UNC79: variants seen among roughly 807,000 people sequenced by gnomAD.
The protein encoded by UNC79 is unc-79 subunit of NALCN channel complex, also known as protein unc-79 homolog.
UNC79 carries 37 observed loss-of-function variants against 283.1 expected under a neutral mutation model. The observed-to-expected ratio is 0.13, with a 90% CI of 0.10 to 0.17. UNC79 has a LOEUF of 0.17. Among genes scored for constraint, UNC79 ranks in the 10% least tolerant of loss-of-function variants. UNC79 has a pLI of 1.00. For missense variants in UNC79, 2,272 were observed against 3,211.1 expected (o/e 0.71, Z 7.07); for synonymous variants, 1,107 against 1,200.2 (o/e 0.92, Z 1.61).
intron 12 of UNC79, 74 bp downstream of exon 12, chr14:93,538,292 G>A: frequency 7.1e-7 from 1 of 1,412,736 alleles, no homozygotes; most frequent in South Asian, 1.5e-5. Context: ...ACACTGAGAT[G>A]TGCATATTTA....
At chr14:93,655,293 C>T (rs750115862) in exon 38 of UNC79, 3 of 1,614,112 alleles carry the variant, frequency 1.9e-6, no homozygotes, top group Non-Finnish European at 2.5e-6. Context: ...GTTTGGAAAA[C>T]ATTGCAACCT....
At chr14:93,613,576 A>G (rs1437289314) in intron 27 of UNC79, among the ~76,000 whole-genome samples, 4 of 151,922 alleles carry the variant, frequency 2.6e-5, no homozygotes, top group Admixed American at 1.3e-4. Context: ...CACCATGCCC[A>G]GCTAATTTTT....
intron 22 of UNC79, among the ~76,000 whole-genome samples, chr14:93,588,613 C>A (rs558690022): frequency 6.6e-6 from 1 of 151,692 alleles, no homozygotes; most frequent in East Asian, 1.9e-4. Flanking sequence ...TGGTGGTGGG[C>A]ACCTTTAGTC....
chr14:93,470,363 G>A (rs898939725), intron 2 of UNC79, among the ~76,000 whole-genome samples: 3 of 152,160 alleles, frequency 2.0e-5, no homozygotes, highest in Non-Finnish European at 2.9e-5. Context: ...TTAATTTGTA[G>A]GAGGGGAGAG....
At chr14:93,412,844 G>A (rs1446149790) in intron 1 of UNC79, among the ~76,000 whole-genome samples, 1 of 152,016 alleles carries the variant, frequency 6.6e-6, no homozygotes, top group Admixed American at 6.6e-5. Context: ...AACAAAAGCT[G>A]AGGGATTTCA....
chr14:93,582,206 C>G, exon 20 of UNC79: 5 of 1,614,076 alleles, frequency 3.1e-6, no homozygotes, highest in Non-Finnish European at 4.2e-6. Context: ...ATTTCAGGAG[C>G]CCACAGACAG....
intron 1 of UNC79, among the ~76,000 whole-genome samples, chr14:93,385,132 T>G (rs968667852): frequency 6.6e-6 from 1 of 152,216 alleles, no homozygotes; most frequent in Non-Finnish European, 1.5e-5. Context: ...GTTTTGTTTT[T>G]GCTTAGGATA....
chr14:93,630,295 A>G (rs2140065371), intron 30 of UNC79, among the ~76,000 whole-genome samples: 1 of 152,356 alleles, frequency 6.6e-6, no homozygotes, highest in African/African-American at 2.4e-5. Flanking sequence ...CTGTAATTAC[A>G]TCAAAAGGGC....
chr14:93,462,730 G>A (rs900945132), intron 1 of UNC79, among the ~76,000 whole-genome samples: 18 of 152,176 alleles, frequency 1.2e-4, no homozygotes, highest in African/African-American at 3.6e-4. Context: ...GAGGTACGGC[G>A]GGGAATAGGG....
chr14:93,627,819 T>C (rs2067685911), intron 30 of UNC79, among the ~76,000 whole-genome samples: 1 of 152,210 alleles, frequency 6.6e-6, no homozygotes, highest in Admixed American at 6.5e-5. Context: ...TTATCTGTTG[T>C]TTATCTGAAA....
upstream of UNC79, among the ~76,000 whole-genome samples, chr14:93,426,799 A>C (rs547523363): frequency 6.6e-6 from 1 of 152,060 alleles, no homozygotes; most frequent in Non-Finnish European, 1.5e-5. Flanking sequence ...GCAGACTTAC[A>C]TGATTTAAAA....
chr14:93,598,752 C>A (rs952528571), intron 24 of UNC79, among the ~76,000 whole-genome samples: 3 of 152,204 alleles, frequency 2.0e-5, no homozygotes, highest in African/African-American at 4.8e-5. Flanking sequence ...GAACCCCTGG[C>A]TTCAAGTGAT....
At chr14:93,495,539 G>T (rs2140579591) in intron 5 of UNC79, among the ~76,000 whole-genome samples, 1 of 152,322 alleles carries the variant, frequency 6.6e-6, no homozygotes, top group Middle Eastern at 3.4e-3. Context: ...AAAAAAGGGT[G>T]TTGACAGCAG....
intron 7 of UNC79, among the ~76,000 whole-genome samples, chr14:93,517,185 C>G (rs2060103660): frequency 6.6e-6 from 1 of 150,454 alleles, no homozygotes; most frequent in African/African-American, 2.4e-5. Flanking sequence ...CCTTCCTCCC[C>G]TCTCTCCACC....
chr14:93,566,314 T>A (rs903796746), intron 14 of UNC79, among the ~76,000 whole-genome samples: 3 of 152,178 alleles, frequency 2.0e-5, no homozygotes, highest in African/African-American at 7.2e-5. Context: ...ATTTCAGGGC[T>A]TGTGCTCAAG....
intron 22 of UNC79, among the ~76,000 whole-genome samples, chr14:93,590,627 C>CTTTCTCCTTAAAGGGCCAGGT (rs2064597105): frequency 1.3e-5 from 2 of 152,176 alleles, no homozygotes; most frequent in Admixed American, 1.3e-4. Flanking sequence ...ATAGCCCAGG[C>CTTTCTCCTTAAAGGGCCAGGT]TTTCTCCTTA....
chr14:93,563,755 G>A (rs2062706504), intron 14 of UNC79, among the ~76,000 whole-genome samples: 1 of 152,180 alleles, frequency 6.6e-6, no homozygotes, highest in African/African-American at 2.4e-5. Context: ...GAGAGATATA[G>A]TCATGGGGGT....
At chr14:93,678,002 G>A (rs561489248) in intron 41 of UNC79, among the ~76,000 whole-genome samples, 2 of 152,200 alleles carry the variant, frequency 1.3e-5, no homozygotes, top group African/African-American at 4.8e-5. Context: ...TTGACTGCCT[G>A]GGTCCTCCAG....
chr14:93,420,391 G>A (rs538669511), intron 1 of UNC79, among the ~76,000 whole-genome samples: 1 of 151,512 alleles, frequency 6.6e-6, no homozygotes, highest in African/African-American at 2.4e-5. Flanking sequence ...ATGATAAAGG[G>A]GTCAATTCAG....
Sources: gnomAD v4.1 joint callset for allele counts (sites outside exome capture counted in the v4.1 genomes callset) on GRCh38, gnomAD v4.1.1 for gene constraint, MANE v1.5 for transcripts, NCBI Gene and HGNC (gene_info 2026-07-23, HGNC 2026-07-21) for gene names.